SLC4A4: variants seen among roughly 807,000 people sequenced by gnomAD.
SLC4A4 encodes the protein solute carrier family 4 member 4.
In SLC4A4, 27 loss-of-function variants were observed where a neutral mutation model predicts 111.5. That is an observed-to-expected ratio of 0.24 (90% CI 0.18 to 0.33). The LOEUF is 0.33. SLC4A4 is among the 10% of genes least tolerant of loss of function. The pLI, the probability that SLC4A4 is intolerant of heterozygous loss-of-function variation, is 1.00. For missense variants in SLC4A4, 909 were observed against 1,315.5 expected (o/e 0.69, Z 4.78); for synonymous variants, 443 against 463.4 (o/e 0.96, Z 0.57).
At chr4:71,451,464 A>G (rs973425768) in intron 11 of SLC4A4, among the ~76,000 whole-genome samples, 163 bp downstream of exon 11, 3 of 152,224 alleles carry the variant, frequency 2.0e-5, no homozygotes, top group Non-Finnish European at 4.4e-5. Context: ...CAGTGAATTA[A>G]ATGATACTGT....
At chr4:71,386,286 A>T (rs930781592) in intron 6 of SLC4A4, among the ~76,000 whole-genome samples, 4 of 151,790 alleles carry the variant, frequency 2.6e-5, no homozygotes, top group African/African-American at 7.3e-5. Flanking sequence ...GAATTTTTAA[A>T]TTTTTTTTGG....
At chr4:71,551,907 A>T (rs889296322) in intron 20 of SLC4A4, among the ~76,000 whole-genome samples, 5 of 151,936 alleles carry the variant, frequency 3.3e-5, no homozygotes, top group Non-Finnish European at 5.9e-5. Context: ...TATTTGAATA[A>T]CATGTTTCTG....
At chr4:71,456,166 T>A (rs1420179913) in intron 12 of SLC4A4, among the ~76,000 whole-genome samples, 1 of 152,196 alleles carries the variant, frequency 6.6e-6, no homozygotes, top group Non-Finnish European at 1.5e-5. Flanking sequence ...TTAACCTCCA[T>A]TGATAATTTC....
chr4:71,499,955 G>A (rs992672036), intron 16 of SLC4A4, among the ~76,000 whole-genome samples: 5 of 152,182 alleles, frequency 3.3e-5, no homozygotes, highest in Non-Finnish European at 1.5e-5. Flanking sequence ...AAGTAGGGTT[G>A]CTGGATCATA....
chr4:71,253,903 C>G (rs1438139959), intron 2 of SLC4A4, among the ~76,000 whole-genome samples: 4 of 152,164 alleles, frequency 2.6e-5, no homozygotes, highest in African/African-American at 9.7e-5. Flanking sequence ...AACCCATTCA[C>G]TTAGGTTCTG....
rs1298191847 is a variant in SLC4A4, at chr4:71,422,118, G to T, written c.808-18498G>T. ...GACTAATAAAGAAAAAAAGAGAGAA[G>T]AATCAAATAGACACAATAAAAAATG... On this transcript the variant is annotated intron_variant, in intron 7 of 25. Coordinates refer to ENST00000264485, the MANE Select transcript of SLC4A4 (RefSeq NM_001098484.3). Among the ~76,000 whole-genome samples the T allele has an allele frequency of 1.2e-3, 168 of 143,216 alleles. 1 individual carries two copies. Among genetic ancestry groups the T allele is most frequent in the African/African-American group, 4.3e-3 (161 of 37,792 alleles). 94.0% of individuals were successfully genotyped at this position (143,216 alleles called of 152,430 possible).
chr4:71,341,153 C>A (rs1415200992), intron 4 of SLC4A4, among the ~76,000 whole-genome samples: 1 of 152,064 alleles, frequency 6.6e-6, no homozygotes, highest in Non-Finnish European at 1.5e-5. Context: ...TCAACTCAAC[C>A]AGTGTTATTT....
At chr4:71,283,874 A>G (rs1396617700) in intron 3 of SLC4A4, among the ~76,000 whole-genome samples, 5 of 152,186 alleles carry the variant, frequency 3.3e-5, no homozygotes, top group Non-Finnish European at 7.3e-5. Flanking sequence ...TGAGCTTTTT[A>G]TAGTCCTCCT....
At chr4:71,511,446 C>A (rs1431021421) in intron 16 of SLC4A4, among the ~76,000 whole-genome samples, 3 of 151,688 alleles carry the variant, frequency 2.0e-5, no homozygotes, top group Non-Finnish European at 2.9e-5. Flanking sequence ...TTTTATTTTT[C>A]ATTTTTTAAG....
chr4:71,370,288 T>C (rs1286188275), intron 6 of SLC4A4, among the ~76,000 whole-genome samples: 2 of 152,162 alleles, frequency 1.3e-5, no homozygotes, highest in African/African-American at 2.4e-5. Flanking sequence ...ATTTTATGGG[T>C]GATGCCTTAC....
At position 71,123,678 on chromosome 4, in the gene SLC4A4, A is replaced by G. The variant is rs554735726; in HGVS notation, c.-2+30886A>G. 1.7e-4 allele frequency among the ~76,000 whole-genome samples: 26 copies of G among 152,330 alleles called. No homozygotes were observed. The South Asian group carries it at 5.4e-3, about 32-fold the overall frequency. On this transcript the variant is annotated intron_variant, in intron 2 of 26. Coordinates refer to the SLC4A4 transcript ENST00000649996. ...ACAGACATTTTTGGAATAGTGTGAA[A>G]TGGTATTCTTCCTCATTCTGTCGTG... is the stretch of plus-strand genomic sequence containing the variant.
intron 3 of SLC4A4, among the ~76,000 whole-genome samples, chr4:71,257,998 T>A (rs1490540193): frequency 2.0e-5 from 3 of 152,198 alleles, no homozygotes; most frequent in Non-Finnish European, 4.4e-5. Context: ...TGCAGCAGTC[T>A]CTGCTTTTTA....
intron 1 of SLC4A4, among the ~76,000 whole-genome samples, chr4:71,227,378 T>C (rs886822347): frequency 6.6e-6 from 1 of 152,080 alleles, no homozygotes; most frequent in Non-Finnish European, 1.5e-5. Context: ...AAAGGAGAGA[T>C]ACCAAAGTGT....
intron 2 of SLC4A4, among the ~76,000 whole-genome samples, chr4:71,158,941 A>T (rs1415605459): frequency 2.0e-5 from 3 of 152,184 alleles, no homozygotes; most frequent in Admixed American, 6.5e-5. Flanking sequence ...TTAAGGGTCC[A>T]GTCTTTTTGT....
intron 1 of SLC4A4, among the ~76,000 whole-genome samples, chr4:71,090,633 A>G (rs1560714015): frequency 6.6e-6 from 1 of 152,316 alleles, no homozygotes; most frequent in South Asian, 2.1e-4. Context: ...ACTGTTTTGT[A>G]TTACTGCTCT....
intron 18 of SLC4A4, among the ~76,000 whole-genome samples, chr4:71,537,795 A>T (rs1347701224): frequency 2.0e-5 from 3 of 151,792 alleles, no homozygotes; most frequent in Non-Finnish European, 4.4e-5. Flanking sequence ...GCCCTCTCCC[A>T]CAGAGCCCGA....
intron 1 of SLC4A4, among the ~76,000 whole-genome samples, chr4:71,188,922 A>G (rs1433367353): frequency 1.3e-5 from 2 of 152,214 alleles, no homozygotes; most frequent in Non-Finnish European, 2.9e-5. Context: ...TTTAAAGTTA[A>G]AAGTACTGAT....
chr4:71,361,947 G>T (rs1383144662), intron 6 of SLC4A4, among the ~76,000 whole-genome samples: 1 of 152,122 alleles, frequency 6.6e-6, no homozygotes, highest in Non-Finnish European at 1.5e-5. Flanking sequence ...TTTATAAGAT[G>T]ATCAGACTTT....
At chr4:71,140,771 C>T (rs995800049) in intron 2 of SLC4A4, among the ~76,000 whole-genome samples, 6 of 152,170 alleles carry the variant, frequency 3.9e-5, no homozygotes, top group African/African-American at 1.4e-4. Flanking sequence ...ATGACCACTT[C>T]TCATCACCTC....
Sources: allele counts gnomAD v4.1 joint callset (sites outside exome capture counted in the v4.1 genomes callset), GRCh38; gene constraint gnomAD v4.1.1; transcripts MANE v1.5; gene names NCBI Gene and HGNC (gene_info 2026-07-23, HGNC 2026-07-21).